Variants in LRRC37A observed in about 807,000 individuals in gnomAD.
LRRC37A encodes the protein leucine-rich repeat-containing protein 37A.
In LRRC37A, 3 loss-of-function variants were observed where a neutral mutation model predicts 35.4. The observed-to-expected ratio is 0.08, with a 90% CI of 0.04 to 0.22. The LOEUF is 0.22. Ranked by LOEUF, LRRC37A falls within the 10% of genes least tolerant of loss-of-function variation. The pLI is 1.00. For missense variants in LRRC37A, 67 were observed against 565.3 expected, an observed-to-expected ratio of 0.12 and a Z score of 8.94; for synonymous variants, 23 against 215.0, an observed-to-expected ratio of 0.11 and a Z score of 7.81.
chr17:46,283,393 GC>G, the LRRC37A span, among the ~76,000 whole-genome samples: 1 of 152,214 alleles, frequency 6.6e-6, no homozygotes, highest in Admixed American at 6.5e-5. Context: ...CATCTTATGG[GC>G]CTATAATGAA....
At chr17:46,293,533 T>G (rs182463190), upstream of LRRC37A, 2 of 366,904 alleles carry the variant, frequency 5.5e-6, 1 homozygote, top group East Asian at 3.0e-4. Flanking sequence ...TGACTGCATA[T>G]GAAAGCTCTT....
the LRRC37A span, among the ~76,000 whole-genome samples, chr17:46,287,237 A>G: frequency 1.3e-5 from 2 of 152,256 alleles, no homozygotes; most frequent in Non-Finnish European, 2.9e-5. Context: ...ATTTGAAAAA[A>G]TAAACCACAC....
At chr17:46,259,541 A>G in the LRRC37A span, 2 of 1,609,564 alleles carry the variant, frequency 1.2e-6, no homozygotes. Context: ...GTGGAGAGAG[A>G]ATGGAGTCAC....
the LRRC37A span, among the ~76,000 whole-genome samples, chr17:46,257,604 A>G: frequency 6.6e-6 from 1 of 151,812 alleles, no homozygotes; most frequent in African/African-American, 2.4e-5. Context: ...ACTTGAACCC[A>G]GGAGTTCCAG....
the LRRC37A span, chr17:46,268,703 TC>T: frequency 1.4e-6 from 2 of 1,458,192 alleles, no homozygotes; most frequent in Non-Finnish European, 1.8e-6. Context: ...GAAACAACCA[TC>T]CTGGCATTTC....
chr17:46,266,848 C>T, the LRRC37A span, among the ~76,000 whole-genome samples: 1 of 151,022 alleles, frequency 6.6e-6, no homozygotes, highest in Admixed American at 6.6e-5. Flanking sequence ...CCGAGAACCG[C>T]GCGTCGCCGC....
chr17:46,261,522 C>T, the LRRC37A span, among the ~76,000 whole-genome samples: 10 of 152,170 alleles, frequency 6.6e-5, no homozygotes, highest in Non-Finnish European at 1.5e-4. Flanking sequence ...AGTGATTCTC[C>T]TGCCTCAGCC....
At chr17:46,255,255 C>T in the LRRC37A span, among the ~76,000 whole-genome samples, 2 of 152,276 alleles carry the variant, frequency 1.3e-5, no homozygotes, top group South Asian at 4.1e-4. Flanking sequence ...AAGCATGAGC[C>T]ACCTTGCCCA....
upstream of LRRC37A, among the ~76,000 whole-genome samples, chr17:46,288,305 CTTTTTT>C (rs78255121): frequency 5.3e-5 from 6 of 112,248 alleles, no homozygotes; most frequent in Admixed American, 9.2e-5. Flanking sequence ...CCAGGCCCGG[CTTTTTT>C]TTTTTTTTTT....
the LRRC37A span, among the ~76,000 whole-genome samples, chr17:46,279,046 C>T: frequency 3.5e-4 from 53 of 152,302 alleles, no homozygotes; most frequent in African/African-American, 1.0e-3. Flanking sequence ...GATCCACATG[C>T]CTTGGCCTCC....
intron 5 of LRRC37A, among the ~76,000 whole-genome samples, chr17:46,307,834 G>A (rs79065004): frequency 0.016 from 1,228 of 77,956 alleles, 502 homozygotes; most frequent in Non-Finnish European, 0.038. Flanking sequence ...CCAACATGGT[G>A]AAACCTGTCT....
At chr17:46,288,519 A>C (rs1219138784), upstream of LRRC37A, among the ~76,000 whole-genome samples, 1 of 151,574 alleles carries the variant, frequency 6.6e-6, no homozygotes, top group Admixed American at 6.6e-5. Flanking sequence ...GCTGGTCTCA[A>C]ACTCCTGACT....
At chr17:46,316,758 CG>C (rs2051145463) in intron 5 of LRRC37A, among the ~76,000 whole-genome samples, 1 of 61,294 alleles carries the variant, frequency 1.6e-5, no homozygotes, top group African/African-American at 5.9e-5. Flanking sequence ...GAGGACCCTG[CG>C]GCCTTCCACA....
Position 46,325,865 on chromosome 17 carries a change from G to T in LRRC37A, c.3054-2527G>T, listed in dbSNP as rs1260084032. Among the ~76,000 whole-genome samples the T allele has an allele frequency of 2.7e-5, 2 of 73,008 alleles. 1 individual carries two copies. Among genetic ancestry groups the T allele is most frequent in the African/African-American group, 6.4e-5 (2 of 31,034 alleles). 47.9% of individuals were successfully genotyped at this position (73,008 alleles called of 152,430 possible). ...AAAGTATTAGCAACTACTGATTCCAGATGAAAGTTATACAGGTGTTCATTA... is the reference window on the plus strand; with the variant it reads ...AAAGTATTAGCAACTACTGATTCCATATGAAAGTTATACAGGTGTTCATTA... On this transcript the variant is annotated intron_variant, in intron 7 of 13. Transcript: ENST00000320254.
At chr17:46,264,886 T>C in the LRRC37A span, among the ~76,000 whole-genome samples, 2 of 152,246 alleles carry the variant, frequency 1.3e-5, no homozygotes, top group Non-Finnish European at 2.9e-5. Flanking sequence ...ATGTGGGTGA[T>C]TTGAATGTAT....
the LRRC37A span, among the ~76,000 whole-genome samples, chr17:46,258,713 T>TG: frequency 7.2e-6 from 1 of 138,538 alleles, no homozygotes; most frequent in Non-Finnish European, 1.6e-5. Context: ...TATTCTTTTT[T>TG]TTTTTTTTTT....
the LRRC37A span, among the ~76,000 whole-genome samples, chr17:46,255,776 C>T: frequency 2.6e-5 from 4 of 151,214 alleles, no homozygotes; most frequent in Non-Finnish European, 5.9e-5. Flanking sequence ...CCTGGGTTCA[C>T]GCCATTCTCC....
At chr17:46,282,581 ATTTT>A in the LRRC37A span, among the ~76,000 whole-genome samples, 19 of 136,206 alleles carry the variant, frequency 1.4e-4, no homozygotes, top group South Asian at 4.5e-4. Context: ...AGCCTGGTTA[ATTTT>A]TTTTTTTTTT....
the LRRC37A span, among the ~76,000 whole-genome samples, chr17:46,267,893 CTTTTTTTTTTTTT>C: frequency 7.8e-5 from 7 of 89,280 alleles, no homozygotes; most frequent in African/African-American, 2.4e-4. Context: ...ACTCCCACAT[CTTTTTTTTTTTTT>C]TTTTTTTTTT....
Sources: gnomAD v4.1 joint callset for allele counts (sites outside exome capture counted in the v4.1 genomes callset) on GRCh38, gnomAD v4.1.1 for gene constraint, MANE v1.5 for transcripts, NCBI Gene and HGNC (gene_info 2026-07-23, HGNC 2026-07-21) for gene names.